AGFG1: variants seen among roughly 807,000 people sequenced by gnomAD.
The protein encoded by AGFG1 is ArfGAP with FG repeats 1.
A neutral mutation model predicts 60.6 loss-of-function variants in AGFG1; 10 were observed. The ratio of observed to expected loss-of-function variants is 0.16; its 90% CI spans 0.10 to 0.28. The LOEUF (loss-of-function observed/expected upper bound fraction) is 0.28. Ranked by LOEUF, AGFG1 falls within the 10% of genes least tolerant of loss-of-function variation. The probability of loss-of-function intolerance (pLI) is 1.00; values close to 1 mark genes in which losing one functional copy is unlikely to be tolerated. For synonymous variants in AGFG1, 247 were observed against 242.9 expected, an observed-to-expected ratio of 1.02 and a Z score of -0.16; for missense variants, 537 against 676.5, an observed-to-expected ratio of 0.79 and a Z score of 2.29.
chr2:227,516,164 A>G (rs1159473912), intron 2 of AGFG1, among the ~76,000 whole-genome samples: 1 of 152,202 alleles, frequency 6.6e-6, no homozygotes, highest in Non-Finnish European at 1.5e-5. Flanking sequence ...TTACTAAAGC[A>G]TTGGTTTTCA....
intron 1 of AGFG1, among the ~76,000 whole-genome samples, chr2:227,485,293 A>G (rs1435370820): frequency 2.0e-4 from 28 of 143,550 alleles, no homozygotes; most frequent in Middle Eastern, 3.3e-3. Context: ...CTAGAGTGCA[A>G]TGGCGTGATC....
intron 2 of AGFG1, among the ~76,000 whole-genome samples, chr2:227,498,368 T>G (rs1292347378): frequency 2.6e-5 from 4 of 152,324 alleles, no homozygotes; most frequent in African/African-American, 9.6e-5. Context: ...TGAAAAACAT[T>G]TTAAACTACA....
chr2:227,474,988 G>A (rs1039021993), intron 1 of AGFG1, among the ~76,000 whole-genome samples: 1 of 152,136 alleles, frequency 6.6e-6, no homozygotes, highest in African/African-American at 2.4e-5. Flanking sequence ...GTAATGCCTG[G>A]TATATAGCAA....
At chr2:227,533,495 G>A in intron 6 of AGFG1, 54 bp from the exon 7 acceptor site, 1 of 1,431,156 alleles carries the variant, frequency 7.0e-7, no homozygotes, top group Non-Finnish European at 9.8e-7. Flanking sequence ...CAGTCTATGA[G>A]AGGGTACTAG....
At chr2:227,483,636 AGTT>A (rs1307882813) in intron 1 of AGFG1, among the ~76,000 whole-genome samples, 11 of 152,170 alleles carry the variant, frequency 7.2e-5, no homozygotes, top group Admixed American at 7.2e-4. Context: ...AATCCAAGTT[AGTT>A]GTTGTTTATC....
chr2:227,492,709 A>G (rs1465421255), intron 2 of AGFG1, among the ~76,000 whole-genome samples: 1 of 152,132 alleles, frequency 6.6e-6, no homozygotes, highest in Non-Finnish European at 1.5e-5. Flanking sequence ...AGAAGAGAGC[A>G]CATTTTGAAG....
At chr2:227,485,502 C>T (rs1690607709) in intron 1 of AGFG1, among the ~76,000 whole-genome samples, 1 of 151,146 alleles carries the variant, frequency 6.6e-6, no homozygotes, top group African/African-American at 2.4e-5. Context: ...TCCCAAAGTA[C>T]TGGGATTACA....
chr2:227,508,070 T>C (rs1212175209), intron 2 of AGFG1, among the ~76,000 whole-genome samples: 1 of 152,128 alleles, frequency 6.6e-6, no homozygotes, highest in African/African-American at 2.4e-5. Flanking sequence ...AACTGTTTCT[T>C]CCCCACCTCT....
At chr2:227,523,697 C>T in intron 3 of AGFG1, 66 bp from the exon 4 acceptor site, 2 of 1,450,334 alleles carry the variant, frequency 1.4e-6, no homozygotes, top group Non-Finnish European at 1.9e-6. Context: ...TAGAATTAAG[C>T]TTATCATTTT....
At chr2:227,541,189 T>G (rs1410655114) in intron 10 of AGFG1, among the ~76,000 whole-genome samples, 2 of 152,334 alleles carry the variant, frequency 1.3e-5, no homozygotes, top group South Asian at 2.1e-4. Context: ...GCAGAAGCTC[T>G]TTGGTTTAAT....
At chr2:227,481,153 A>T (rs1690448752) in intron 1 of AGFG1, among the ~76,000 whole-genome samples, 1 of 99,220 alleles carries the variant, frequency 1.0e-5, no homozygotes, top group Non-Finnish European at 1.9e-5. Context: ...CGCTTTTTAT[A>T]GTGCAGACAT....
chr2:227,472,781 G>A (rs1690136070), intron 1 of AGFG1, among the ~76,000 whole-genome samples, 193 bp downstream of exon 1: 1 of 151,982 alleles, frequency 6.6e-6, no homozygotes, highest in Non-Finnish European at 1.5e-5. Flanking sequence ...CGGGCAGCCG[G>A]GCTGGGGATG....
intron 2 of AGFG1, among the ~76,000 whole-genome samples, chr2:227,515,758 A>G (rs1007456038): frequency 4.6e-5 from 7 of 151,922 alleles, no homozygotes; most frequent in African/African-American, 1.7e-4. Flanking sequence ...TTTTTTCCCA[A>G]CCTTGAAACC....
intron 3 of AGFG1, among the ~76,000 whole-genome samples, chr2:227,520,758 TTAAC>T (rs761608227): frequency 8.5e-5 from 13 of 152,218 alleles, no homozygotes; most frequent in Non-Finnish European, 1.9e-4. Flanking sequence ...CTAAGACTCA[TTAAC>T]TATGAACTTT....
chr2:227,472,630 G>T, intron 1 of AGFG1, 42 bp downstream of exon 1: 1 of 1,540,008 alleles, frequency 6.5e-7, no homozygotes, highest in Non-Finnish European at 8.7e-7. Context: ...CCCTTCCCGG[G>T]AGGTGGGGGA....
At chr2:227,540,026 G>A (rs190669000) in intron 10 of AGFG1, among the ~76,000 whole-genome samples, 4 of 152,054 alleles carry the variant, frequency 2.6e-5, no homozygotes, top group Non-Finnish European at 5.9e-5. Flanking sequence ...AGTAGAGATG[G>A]GGTTTTGCCA....
intron 1 of AGFG1, among the ~76,000 whole-genome samples, chr2:227,482,569 CT>C (rs1334457186): frequency 2.8e-4 from 43 of 152,280 alleles, no homozygotes; most frequent in African/African-American, 9.1e-4. Flanking sequence ...AACTTTATTA[CT>C]TTCTGCCAGT....
chr2:227,550,096 C>T (rs1173464510), intron 10 of AGFG1: 13 of 441,422 alleles, frequency 2.9e-5, no homozygotes, highest in Middle Eastern at 6.8e-4. Flanking sequence ...TGTTTCCTCA[C>T]GCTCATTTTG....
chr2:227,523,732 T>C (rs1279477097), intron 3 of AGFG1, 31 bp from the exon 4 acceptor site: 1 of 1,584,340 alleles, frequency 6.3e-7, no homozygotes, highest in Non-Finnish European at 8.6e-7. Context: ...CCTACATTTT[T>C]TTTTAGTTAA....
Sources: allele counts gnomAD v4.1 joint callset (sites outside exome capture counted in the v4.1 genomes callset), GRCh38; gene constraint gnomAD v4.1.1; transcripts MANE v1.5; gene names NCBI Gene and HGNC (gene_info 2026-07-23, HGNC 2026-07-21).